Variants in ANKS1B observed in about 807,000 individuals in gnomAD.
The protein encoded by ANKS1B is ankyrin repeat and sterile alpha motif domain containing 1B.
Under a neutral mutation model 148.3 loss-of-function variants are expected in ANKS1B, and 36 were observed. The ratio of observed to expected loss-of-function variants is 0.24; its 90% CI spans 0.19 to 0.32. ANKS1B has a LOEUF of 0.32. ANKS1B is among the 10% of genes least tolerant of loss of function. ANKS1B has a pLI of 1.00. For missense variants in ANKS1B, 1,157 were observed against 1,542.6 expected (o/e 0.75, Z 4.19); for synonymous variants, 542 against 560.8 (o/e 0.97, Z 0.47).
chr12:98,802,589 A>G (rs1186181341), intron 20 of ANKS1B, among the ~76,000 whole-genome samples: 1 of 120,828 alleles, frequency 8.3e-6, no homozygotes, highest in Non-Finnish European at 1.7e-5. Context: ...TCAGTAATGC[A>G]CAGGCTTTTT....
intron 17 of ANKS1B, among the ~76,000 whole-genome samples, chr12:98,874,854 T>C (rs1430756691): frequency 1.3e-5 from 2 of 152,096 alleles, no homozygotes; most frequent in Non-Finnish European, 2.9e-5. Flanking sequence ...AATACAGATA[T>C]AAAATAAGAG....
At position 99,949,818 on chromosome 12, in the gene ANKS1B, G is replaced by A. The variant is rs140116815; in HGVS notation, c.134+34286C>T. On this transcript the variant is annotated intron_variant, in intron 1 of 26. Transcript: ENST00000683438. ...AACACAGCCGTGTCCACTCATTTAC[G>A]GATTGTTAATGGCTGCTTTCACCCT... Among the ~76,000 whole-genome samples, 407 of 152,198 alleles carry A rather than the reference G, an allele frequency of 2.7e-3. 1 individual carries two copies. Among genetic ancestry groups the A allele is most frequent in the African/African-American group, 9.4e-3 (390 of 41,520 alleles).
rs1008133705 is a variant in ANKS1B at position 99,213,092 on chromosome 12, C to A, written c.2419+31250G>T. ...TTCACAGTTTCTATGGAAGTTTCTG[C>A]TATTTCTCTGTCTTTGTCTCTGAGG... is the stretch of plus-strand genomic sequence containing the variant. On this transcript the variant is annotated intron_variant, in intron 14 of 26. Transcript: ENST00000683438. Among the ~76,000 whole-genome samples, 9 of 152,296 alleles carry A rather than the reference C, an allele frequency of 5.9e-5. No individual in the cohort carries two copies. In the South Asian group the frequency reaches 1.9e-3, roughly 32 times the overall value.
intron 1 of ANKS1B, among the ~76,000 whole-genome samples, chr12:99,980,382 A>G (rs144231457): frequency 2.0e-5 from 3 of 152,164 alleles, no homozygotes; most frequent in Non-Finnish European, 4.4e-5. Context: ...CCACCACTCA[A>G]AGATGAATAC....
At chr12:99,423,306 A>C (rs1356151395) in intron 11 of ANKS1B, among the ~76,000 whole-genome samples, 2 of 152,206 alleles carry the variant, frequency 1.3e-5, no homozygotes, top group African/African-American at 4.8e-5. Context: ...ACCAGTCAGA[A>C]TGACTAATAT....
At chr12:99,204,761 C>A (rs567088051) in intron 14 of ANKS1B, among the ~76,000 whole-genome samples, 3 of 152,150 alleles carry the variant, frequency 2.0e-5, no homozygotes, top group African/African-American at 7.2e-5. Context: ...TAAGCCGTTG[C>A]TAAGGCAAAG....
intron 17 of ANKS1B, among the ~76,000 whole-genome samples, chr12:98,911,564 T>C (rs1246894623): frequency 6.6e-6 from 1 of 152,212 alleles, no homozygotes; most frequent in Non-Finnish European, 1.5e-5. Flanking sequence ...TGTGGTCTTT[T>C]AAACAGACCA....
At chr12:99,246,179 T>G (rs2073857089) in intron 13 of ANKS1B, 96 bp downstream of exon 13, 3 of 921,890 alleles carry the variant, frequency 3.3e-6, no homozygotes, top group South Asian at 2.1e-5. Flanking sequence ...TTTTTTTTCT[T>G]GCTTTTGAAA....
At chr12:99,127,479 T>A (rs1288912523) in intron 15 of ANKS1B, among the ~76,000 whole-genome samples, 1 of 152,066 alleles carries the variant, frequency 6.6e-6, no homozygotes, top group Non-Finnish European at 1.5e-5. Context: ...AACTTTAGAA[T>A]CAAAAAAGCA....
intron 9 of ANKS1B, among the ~76,000 whole-genome samples, chr12:99,509,413 T>G (rs2096741945): frequency 6.6e-6 from 1 of 151,938 alleles, no homozygotes; most frequent in African/African-American, 2.4e-5. Context: ...AAAGTGCTAC[T>G]CCAGTGAACA....
At chr12:99,712,033 T>G (rs1176558700) in intron 8 of ANKS1B, among the ~76,000 whole-genome samples, 1 of 152,200 alleles carries the variant, frequency 6.6e-6, no homozygotes, top group Non-Finnish European at 1.5e-5. Context: ...AATGAGATCA[T>G]GTCCTTTGCA....
intron 1 of ANKS1B, among the ~76,000 whole-genome samples, chr12:99,967,935 A>G (rs1227892405): frequency 6.6e-6 from 1 of 151,920 alleles, no homozygotes; most frequent in African/African-American, 2.4e-5. Flanking sequence ...AAAAAGAAAA[A>G]AGAAAAATGG....
At chr12:99,124,448 C>T (rs7964358) in intron 15 of ANKS1B, among the ~76,000 whole-genome samples, 3 of 151,092 alleles carry the variant, frequency 2.0e-5, no homozygotes, top group Non-Finnish European at 4.4e-5. Flanking sequence ...GTGTGTAAGG[C>T]AGAATGGAGT....
rs1360333701 is a variant in ANKS1B at position 98,830,951 on chromosome 12, T to TTTTTTTTTTC, written c.2886+1077_2886+1078insGAAAAAAAAA. The TTTTTTTTTTC allele has an allele frequency of 6.9e-5, 9 of 130,618 alleles. 1 individual carries two copies. The highest frequency in any genetic ancestry group is 1.5e-4 in the Non-Finnish European group (9 of 61,596). The allele number at this position is 130,618 out of a possible 1,614,324, so 8.1% of individuals were successfully genotyped here. On this transcript the variant is annotated intron_variant, in intron 18 of 26. Transcript: ENST00000683438. ...TTTCCTACCTCATAATTTTTTTTTT[T>TTTTTTTTTTC]TTTTTTTTTTTTTTGAGATGGAGTT...
At chr12:99,848,677 C>G (rs960837622) in intron 1 of ANKS1B, among the ~76,000 whole-genome samples, 25 of 151,966 alleles carry the variant, frequency 1.6e-4, no homozygotes, top group Non-Finnish European at 3.4e-4. Flanking sequence ...CAACCCATAC[C>G]CTGAGCCATA....
intron 10 of ANKS1B, among the ~76,000 whole-genome samples, chr12:99,449,041 G>A (rs546966381): frequency 6.6e-6 from 1 of 152,082 alleles, no homozygotes; most frequent in South Asian, 2.1e-4. Flanking sequence ...CTTCAGCTGT[G>A]TCAAGGCTGC....
At chr12:99,413,280 A>G (rs1463160169) in intron 11 of ANKS1B, among the ~76,000 whole-genome samples, 2 of 152,206 alleles carry the variant, frequency 1.3e-5, no homozygotes, top group African/African-American at 4.8e-5. Context: ...GTTAAGTGGG[A>G]GAGATGAAAT....
chr12:99,224,020 T>C (rs1342908239), intron 14 of ANKS1B, among the ~76,000 whole-genome samples: 1 of 152,320 alleles, frequency 6.6e-6, no homozygotes, highest in Middle Eastern at 3.4e-3. Context: ...AAACAAATTT[T>C]TCTTTAATAT....
chr12:99,729,266 T>C (rs2058910419), intron 8 of ANKS1B, among the ~76,000 whole-genome samples: 1 of 152,190 alleles, frequency 6.6e-6, no homozygotes, highest in Non-Finnish European at 1.5e-5. Context: ...AGACAGTCCA[T>C]TGTCTTTCTG....
Sources: allele counts gnomAD v4.1 joint callset (sites outside exome capture counted in the v4.1 genomes callset), GRCh38; gene constraint gnomAD v4.1.1; transcripts MANE v1.5; gene names NCBI Gene and HGNC (gene_info 2026-07-23, HGNC 2026-07-21).